The following EYS variants were observed in gnomAD, a reference collection of about 807,000 sequenced individuals.
EYS encodes the protein protein eyes shut homolog.
A neutral mutation model predicts 282.1 loss-of-function variants in EYS; 250 were observed. The ratio of observed to expected loss-of-function variants is 0.89; its 90% CI spans 0.80 to 0.98. EYS has a LOEUF of 0.98. Ranked by LOEUF, EYS falls within the 50% of genes least tolerant of loss-of-function variation. The probability of loss-of-function intolerance (pLI) is 0.00; values close to 1 mark genes in which losing one functional copy is unlikely to be tolerated. For missense variants in EYS, 4,016 were observed against 3,709.0 expected (o/e 1.08, Z -2.15); for synonymous variants, 1,355 against 1,282.9 (o/e 1.06, Z -1.20).
At chr6:64,123,102 T>C (rs1773645468) in intron 31 of EYS, among the ~76,000 whole-genome samples, 1 of 152,196 alleles carries the variant, frequency 6.6e-6, no homozygotes, top group African/African-American at 2.4e-5. Context: ...TTTTTGAAGC[T>C]GAAGAGATAT....
chr6:63,870,759 G>A (rs568171479), intron 35 of EYS, among the ~76,000 whole-genome samples: 198 of 152,272 alleles, frequency 1.3e-3, no homozygotes, highest in Admixed American at 4.1e-3. Context: ...ACTGAGCAAT[G>A]TAAACCAGAG....
chr6:65,515,723 T>C (rs1412320086), intron 2 of EYS, among the ~76,000 whole-genome samples: 2 of 137,796 alleles, frequency 1.5e-5, no homozygotes, highest in East Asian at 2.2e-4. Flanking sequence ...TTCTCACTCA[T>C]AGGTGGGAAT....
intron 35 of EYS, among the ~76,000 whole-genome samples, chr6:63,907,125 TA>T (rs1212783969): frequency 6.6e-6 from 1 of 152,210 alleles, no homozygotes; most frequent in Non-Finnish European, 1.5e-5. Context: ...AGACTTAGAC[TA>T]GGGCTTGATG....
At chr6:65,681,656 T>A (rs1768826289) in intron 1 of EYS, among the ~76,000 whole-genome samples, 1 of 151,950 alleles carries the variant, frequency 6.6e-6, no homozygotes, top group South Asian at 2.1e-4. Flanking sequence ...ACCTTATTAC[T>A]TATGGCTTAA....
chr6:65,435,490 G>C (rs1420410486), intron 5 of EYS, among the ~76,000 whole-genome samples: 1 of 151,906 alleles, frequency 6.6e-6, no homozygotes, highest in African/African-American at 2.4e-5. Flanking sequence ...ATGTAAGCAT[G>C]TTTACAGTCT....
chr6:64,894,986 A>T (rs1463525723), intron 18 of EYS, among the ~76,000 whole-genome samples: 1 of 152,148 alleles, frequency 6.6e-6, no homozygotes, highest in Admixed American at 6.5e-5. Flanking sequence ...CAATTGGAAG[A>T]TCTTGTCATG....
At chr6:64,299,489 G>A (rs79564246) in intron 30 of EYS, among the ~76,000 whole-genome samples, 5,807 of 152,278 alleles carry the variant, frequency 0.038, 174 homozygotes, top group Non-Finnish European at 0.06. Context: ...TGTGAGGAAC[G>A]CTGCAACGGA....
chr6:64,843,076 A>C (rs753908023), intron 19 of EYS, among the ~76,000 whole-genome samples: 2 of 152,166 alleles, frequency 1.3e-5, no homozygotes, highest in Non-Finnish European at 2.9e-5. Context: ...GGCTGGGCCC[A>C]GGGTCTCCAT....
At chr6:65,524,435 T>C (rs1475724053) in intron 2 of EYS, among the ~76,000 whole-genome samples, 1 of 152,064 alleles carries the variant, frequency 6.6e-6, no homozygotes, top group Non-Finnish European at 1.5e-5. Flanking sequence ...TAACAGTGAG[T>C]GGTACCACTT....
intron 5 of EYS, among the ~76,000 whole-genome samples, chr6:65,421,860 T>G (rs1219084373): frequency 6.6e-6 from 1 of 151,806 alleles, no homozygotes; most frequent in Non-Finnish European, 1.5e-5. Context: ...ATCTACTAAG[T>G]TTTCCGTATT....
At chr6:64,555,206 C>T (rs949320354) in intron 26 of EYS, among the ~76,000 whole-genome samples, 32 of 151,516 alleles carry the variant, frequency 2.1e-4, no homozygotes, top group African/African-American at 7.8e-4. Flanking sequence ...GAAGGGAAAT[C>T]CTATTATTTC....
chr6:64,448,136 G>C (rs1023198032), intron 26 of EYS, among the ~76,000 whole-genome samples: 6 of 152,188 alleles, frequency 3.9e-5, no homozygotes, highest in Non-Finnish European at 8.8e-5. Flanking sequence ...ATGGCACCTG[G>C]AAAATCGGGT....
At chr6:65,434,678 T>C (rs184865909) in intron 5 of EYS, among the ~76,000 whole-genome samples, 144 of 152,256 alleles carry the variant, frequency 9.5e-4, no homozygotes, top group Non-Finnish European at 1.6e-3. Context: ...ATGTTTCATC[T>C]ATGAGAGGCT....
At chr6:63,920,056 A>G (rs963941275) in intron 35 of EYS, among the ~76,000 whole-genome samples, 1 of 151,970 alleles carries the variant, frequency 6.6e-6, no homozygotes, top group African/African-American at 2.4e-5. Flanking sequence ...TCTACCTATC[A>G]TCTATCTAGT....
chr6:64,940,536 A>C (rs1769054836), intron 15 of EYS, among the ~76,000 whole-genome samples: 1 of 152,066 alleles, frequency 6.6e-6, no homozygotes, highest in Non-Finnish European at 1.5e-5. Context: ...TATTTCTCCT[A>C]ATATACAGGT....
At chr6:64,445,472 T>C (rs952213802) in intron 26 of EYS, among the ~76,000 whole-genome samples, 4 of 152,202 alleles carry the variant, frequency 2.6e-5, no homozygotes, top group Non-Finnish European at 4.4e-5. Context: ...ACCTATAATT[T>C]TGTATGCTTT....
chr6:65,184,140 G>A (rs535642061), intron 12 of EYS, among the ~76,000 whole-genome samples: 2 of 151,846 alleles, frequency 1.3e-5, no homozygotes, highest in Non-Finnish European at 2.9e-5. Flanking sequence ...ATAAAACATC[G>A]TGATGTGTTT....
At chr6:65,615,547 G>C (rs1474200589) in intron 2 of EYS, among the ~76,000 whole-genome samples, 1 of 151,722 alleles carries the variant, frequency 6.6e-6, no homozygotes, top group Non-Finnish European at 1.5e-5. Flanking sequence ...TAAATATTAT[G>C]TTTTCTTGAG....
intron 24 of EYS, among the ~76,000 whole-genome samples, chr6:64,606,448 A>G (rs1294831482): frequency 6.6e-6 from 1 of 152,016 alleles, no homozygotes; most frequent in East Asian, 1.9e-4. Context: ...ATATTAGTTA[A>G]TATATTATCA....
Sources: gnomAD v4.1 joint callset for allele counts (sites outside exome capture counted in the v4.1 genomes callset) on GRCh38, gnomAD v4.1.1 for gene constraint, MANE v1.5 for transcripts, NCBI Gene and HGNC (gene_info 2026-07-23, HGNC 2026-07-21) for gene names.